The following MLLT3 variants were observed in gnomAD, a reference collection of about 807,000 sequenced individuals.
The protein encoded by MLLT3 is MLLT3 super elongation complex subunit.
In MLLT3, 4 loss-of-function variants were observed where a neutral mutation model predicts 53.2. The ratio of observed to expected loss-of-function variants is 0.08; its 90% CI spans 0.04 to 0.17. The LOEUF (loss-of-function observed/expected upper bound fraction) is 0.17. Ranked by LOEUF, MLLT3 falls within the 10% of genes least tolerant of loss-of-function variation. The pLI, the probability that MLLT3 is intolerant of heterozygous loss-of-function variation, is 1.00. For synonymous variants in MLLT3, 283 were observed against 230.6 expected (o/e 1.23, Z -2.06); for missense variants, 569 against 684.0 (o/e 0.83, Z 1.87).
intron 2 of MLLT3, among the ~76,000 whole-genome samples, chr9:20,593,833 T>C (rs1030096818): frequency 2.0e-5 from 3 of 152,218 alleles, no homozygotes; most frequent in African/African-American, 7.2e-5. Flanking sequence ...GAAAGCCTTC[T>C]TATTATTTTA....
At chr9:20,584,016 T>C (rs1247469928) in intron 2 of MLLT3, among the ~76,000 whole-genome samples, 1 of 152,184 alleles carries the variant, frequency 6.6e-6, no homozygotes, top group East Asian at 1.9e-4. Context: ...ATGCTCTGCT[T>C]CCCTTTTAAA....
chr9:20,594,419 C>G (rs1282251881), intron 2 of MLLT3, among the ~76,000 whole-genome samples: 2 of 152,244 alleles, frequency 1.3e-5, no homozygotes, highest in East Asian at 3.9e-4. Context: ...GAAGAAGTTA[C>G]AGAAGATGGA....
intron 2 of MLLT3, among the ~76,000 whole-genome samples, chr9:20,587,554 C>G (rs548562473): frequency 6.6e-6 from 1 of 152,060 alleles, no homozygotes; most frequent in African/African-American, 2.4e-5. Context: ...CTCATTTTAA[C>G]CATTAAAAGA....
At chr9:20,537,795 G>A (rs1818524752) in intron 2 of MLLT3, among the ~76,000 whole-genome samples, 1 of 152,136 alleles carries the variant, frequency 6.6e-6, no homozygotes. Context: ...AGTCTAAGTT[G>A]CAAAATGTAT....
chr9:20,385,797 T>C (rs2118708493), intron 5 of MLLT3, among the ~76,000 whole-genome samples: 1 of 152,312 alleles, frequency 6.6e-6, no homozygotes, highest in East Asian at 1.9e-4. Flanking sequence ...CATATAATTA[T>C]ATACCACTAA....
chr9:20,568,820 A>C (rs1320779750), intron 2 of MLLT3, among the ~76,000 whole-genome samples: 1 of 152,176 alleles, frequency 6.6e-6, no homozygotes, highest in African/African-American at 2.4e-5. Flanking sequence ...TCTAATCCTC[A>C]CTACAGTCCT....
intron 5 of MLLT3, among the ~76,000 whole-genome samples, chr9:20,399,844 GAATC>G (rs1254273507): frequency 6.6e-6 from 1 of 152,188 alleles, no homozygotes. Context: ...TAAATGGAAA[GAATC>G]AAGCACTGTG....
At chr9:20,494,952 T>C (rs778320260) in intron 2 of MLLT3, among the ~76,000 whole-genome samples, 1 of 152,070 alleles carries the variant, frequency 6.6e-6, no homozygotes, top group Non-Finnish European at 1.5e-5. Flanking sequence ...CCTCCTAGGG[T>C]AATTTGCATC....
In MLLT3 at chr9:20,622,493, G is replaced by A. The variant is rs538424354; in HGVS notation, c.-237C>T. Reference sequence around the variant, plus strand: ...GCAGCAGCAGCTCCAGGGTAAAGAAGATGATTGCGGAGCATGCGCCGTGGC... The same window carrying A: ...GCAGCAGCAGCTCCAGGGTAAAGAAAATGATTGCGGAGCATGCGCCGTGGC... On this transcript the variant is annotated 5_prime_UTR_variant, in exon 1 of 11. Coordinates refer to ENST00000380338, the MANE Select transcript of MLLT3 (RefSeq NM_004529.4). The A allele has an allele frequency of 6.3e-6, 3 of 479,828 alleles. No homozygotes were observed. The highest frequency in any genetic ancestry group is 6.9e-5 in the East Asian group (2 of 29,102). The allele number at this position is 479,828 out of a possible 1,614,324, so 29.7% of individuals were successfully genotyped here.
At position 20,344,709 on chromosome 9, in the gene MLLT3, C is replaced by T. The variant is rs1820821306; in HGVS notation, c.*1734G>A. On this transcript the variant is annotated 3_prime_UTR_variant, in exon 11 of 11. Coordinates refer to ENST00000380338, the MANE Select transcript of MLLT3 (RefSeq NM_004529.4). ...AATAGTTTCTTTGGATAGAAAGAAA[C>T]AGTGTAAAAAATCCCCTTTTTAAAA... is the stretch of plus-strand genomic sequence containing the variant. The T allele has an allele frequency of 4.8e-6, 1 of 206,224 alleles. No individual in the cohort carries two copies. Among genetic ancestry groups the T allele is most frequent in the Non-Finnish European group, 9.9e-6 (1 of 101,100 alleles). The allele number at this position is 206,224 out of a possible 1,614,324, so 12.8% of individuals were successfully genotyped here. A position where few individuals can be genotyped will look rare whatever the true frequency, so the allele number is the denominator to read the frequency against.
At chr9:20,569,389 A>C (rs1419539701) in intron 2 of MLLT3, among the ~76,000 whole-genome samples, 1 of 152,120 alleles carries the variant, frequency 6.6e-6, no homozygotes, top group African/African-American at 2.4e-5. Flanking sequence ...CCATTACCCA[A>C]TGTTGTACCT....
intron 2 of MLLT3, among the ~76,000 whole-genome samples, chr9:20,598,518 G>C (rs1325860812): frequency 1.3e-5 from 2 of 152,200 alleles, no homozygotes; most frequent in African/African-American, 2.4e-5. Flanking sequence ...AATGGCTTTA[G>C]TTTTGCTTTT....
At chr9:20,356,027 C>A (rs780509581) in intron 8 of MLLT3, among the ~76,000 whole-genome samples, 1 of 152,054 alleles carries the variant, frequency 6.6e-6, no homozygotes, top group East Asian at 1.9e-4. Context: ...ATTTTTGGAC[C>A]GCAAAGGATG....
chr9:20,506,408 T>C (rs1371941553), intron 2 of MLLT3, among the ~76,000 whole-genome samples: 2 of 152,172 alleles, frequency 1.3e-5, no homozygotes, highest in Admixed American at 6.5e-5. Context: ...GGCTCTCCCT[T>C]TCCTCTGCAG....
intron 5 of MLLT3, among the ~76,000 whole-genome samples, chr9:20,405,623 A>G (rs1822559156): frequency 6.6e-6 from 1 of 152,240 alleles, no homozygotes; most frequent in African/African-American, 2.4e-5. Context: ...AAAATAAAAG[A>G]GTCCCACACA....
rs1206781443 is a variant in MLLT3, at chr9:20,365,664, G to C, written c.1201+5C>G. 6.8e-6 allele frequency: 11 copies of C among 1,614,198 alleles called. No individual in the cohort carries two copies. The highest frequency in any genetic ancestry group is 9.3e-6 in the Non-Finnish European group (11 of 1,180,030). ...CATCTCCTAGTTTGCATGAGATGTT[G>C]ATACCTTGTTGCCTGGTCTGGGATG... is the stretch of plus-strand genomic sequence containing the variant. On this transcript the variant is annotated splice_donor_5th_base_variant and intron_variant, in intron 6 of 10. Coordinates refer to ENST00000380338, the MANE Select transcript of MLLT3 (RefSeq NM_004529.4).
intron 5 of MLLT3, among the ~76,000 whole-genome samples, chr9:20,409,812 T>C (rs529259951): frequency 6.6e-6 from 1 of 152,334 alleles, no homozygotes; most frequent in East Asian, 1.9e-4. Context: ...ATGAGAAACA[T>C]TTCAATAATC....
intron 5 of MLLT3, among the ~76,000 whole-genome samples, chr9:20,366,232 T>C (rs760337116): frequency 1.3e-5 from 2 of 152,184 alleles, no homozygotes; most frequent in Non-Finnish European, 2.9e-5. Flanking sequence ...TGGTGTGTTA[T>C]GTTCCCCTCC....
intron 2 of MLLT3, among the ~76,000 whole-genome samples, chr9:20,485,384 T>G (rs1824783147): frequency 1.3e-5 from 2 of 152,364 alleles, no homozygotes; most frequent in Middle Eastern, 3.4e-3. Flanking sequence ...TGTTAAAATT[T>G]CTTTTAATTG....
Sources: gnomAD v4.1 joint callset for allele counts (sites outside exome capture counted in the v4.1 genomes callset) on GRCh38, gnomAD v4.1.1 for gene constraint, MANE v1.5 for transcripts, NCBI Gene and HGNC (gene_info 2026-07-23, HGNC 2026-07-21) for gene names.